Variants in ZZEF1 observed in about 807,000 individuals in gnomAD.
ZZEF1 encodes the protein zinc finger ZZ-type and EF-hand domain-containing protein 1.
Under a neutral mutation model 342.8 loss-of-function variants are expected in ZZEF1, and 157 were observed. The observed-to-expected ratio is 0.46, with a 90% confidence interval of 0.40 to 0.52. ZZEF1 has a LOEUF of 0.52. ZZEF1 is among the 20% of genes least tolerant of loss of function. The pLI, the probability that ZZEF1 is intolerant of heterozygous loss-of-function variation, is 0.00. For missense variants in ZZEF1, 3,480 were observed against 3,725.6 expected, an observed-to-expected ratio of 0.93 and a Z score of 1.72; for synonymous variants, 1,505 against 1,429.1, an observed-to-expected ratio of 1.05 and a Z score of -1.20.
At chr17:4,039,893 C>G (rs1405438202) in intron 39 of ZZEF1, among the ~76,000 whole-genome samples, 1 of 152,042 alleles carries the variant, frequency 6.6e-6, no homozygotes, top group Non-Finnish European at 1.5e-5. Flanking sequence ...ATCTGCCCGC[C>G]TTGGCCTCCC....
intron 52 of ZZEF1, 112 bp from the exon 53 acceptor site, chr17:4,009,869 A>G (rs1318706468): frequency 5.4e-6 from 7 of 1,285,892 alleles, no homozygotes; most frequent in South Asian, 2.9e-5. Flanking sequence ...CAGCTGGTAC[A>G]AATGATTATA....
chr17:4,133,703 T>C (rs2058704586), intron 1 of ZZEF1, among the ~76,000 whole-genome samples: 1 of 151,458 alleles, frequency 6.6e-6, no homozygotes, highest in African/African-American at 2.4e-5. Flanking sequence ...GCTATAAAAA[T>C]ACTGACATTT....
At chr17:4,113,974 A>T (rs1369238541) in intron 4 of ZZEF1, among the ~76,000 whole-genome samples, 1 of 152,228 alleles carries the variant, frequency 6.6e-6, no homozygotes, top group African/African-American at 2.4e-5. Flanking sequence ...TGTCTTAAAA[A>T]GAAAAAAAAA....
At chr17:4,040,583 G>A (rs2056781947) in intron 39 of ZZEF1, among the ~76,000 whole-genome samples, 2 of 152,134 alleles carry the variant, frequency 1.3e-5, no homozygotes, top group African/African-American at 4.8e-5. Flanking sequence ...GAGAAATACA[G>A]GCTGAAAAAA....
intron 6 of ZZEF1, among the ~76,000 whole-genome samples, chr17:4,107,680 CTGAG>C (rs1382425594): frequency 3.9e-5 from 6 of 152,154 alleles, no homozygotes; most frequent in African/African-American, 1.4e-4. Context: ...TAGAGGCGAA[CTGAG>C]TAAGTACAAA....
chr17:4,142,834 C>T lies in ZZEF1; in HGVS notation c.62G>A (p.Trp21Ter). Reference sequence around the variant, plus strand: ...CGCGGCCCAGTCCTGGTGTGGGCCCCAGCCCTCGCCACCGGCAGCTGCCGC... The same window carrying T: ...CGCGGCCCAGTCCTGGTGTGGGCCCTAGCCCTCGCCACCGGCAGCTGCCGC... Reference protein sequence around the residue: ...DEAAAAGGEGWGPHQDWAAVS... With the variant: ...DEAAAAGGEG Residue 21 changes from tryptophan to a stop codon, truncating the protein, a stop_gained, in exon 1 of 55, where the codon TGG (tryptophan) becomes TAG (stop). Transcript: ENST00000381638. LOFTEE classifies it high-confidence loss of function. 1 of 1,398,942 alleles carries T rather than the reference C, an allele frequency of 7.1e-7. No individual in the cohort carries two copies. The allele number at this position is 1,398,942 out of a possible 1,614,324, so 86.7% of individuals were successfully genotyped here. A position where few individuals can be genotyped will look rare whatever the true frequency, so the allele number is the denominator to read the frequency against.
Position 4,070,807 on chromosome 17 carries a change from A to G in ZZEF1, c.3952T>C (p.Cys1318Arg). The G allele has an allele frequency of 6.2e-7, 1 of 1,614,172 alleles. No homozygotes were observed. The highest frequency in any genetic ancestry group is 8.5e-7 in the Non-Finnish European group (1 of 1,180,044). ...SELFKGFIQA[C>R]RKQAPKTDIV... ...TCTGTCTTTGGGGCCTGTTTTCTAC[A>G]TGCCTGTATGAATCCTTTGAAAAGT... Residue 1318 changes from cysteine (C) to arginine (R), a missense_variant, in exon 26 of 55, where the codon TGT becomes CGT. This residue lies in a region of ZZEF1 where 1,528 missense variants were observed against 1,624.1 expected (regional missense o/e 0.94). Coordinates refer to ENST00000381638, the MANE Select transcript of ZZEF1 (RefSeq NM_015113.4).
chr17:4,059,134 AT>A (rs34838830), intron 31 of ZZEF1, 36 bp downstream of exon 31: 17 of 1,495,724 alleles, frequency 1.1e-5, no homozygotes, highest in East Asian at 2.4e-5. Flanking sequence ...AAAAAAATAC[AT>A]TTTTTTTCTC....
At chr17:4,021,104 G>A in intron 45 of ZZEF1, 25 bp downstream of exon 45, 1 of 1,569,482 alleles carries the variant, frequency 6.4e-7, no homozygotes, top group Non-Finnish European at 8.7e-7. Context: ...CCCCTCCTAA[G>A]CCACAAGATG....
At chr17:4,038,008 C>T (rs2056713139) in intron 39 of ZZEF1, among the ~76,000 whole-genome samples, 1 of 152,184 alleles carries the variant, frequency 6.6e-6, no homozygotes, top group African/African-American at 2.4e-5. Context: ...TTGATGACTG[C>T]TGTCTGGTTA....
At chr17:4,009,821 A>T in intron 52 of ZZEF1, 64 bp from the exon 53 acceptor site, 1 of 1,567,152 alleles carries the variant, frequency 6.4e-7, no homozygotes, top group South Asian at 1.2e-5. Flanking sequence ...CATGGCTTAC[A>T]GCTGGCAGGA....
In ZZEF1 at chr17:4,006,819, G is replaced by T. The variant is rs1471522675; in HGVS notation, c.*71C>A. 7 of 1,502,904 alleles carry T rather than the reference G, an allele frequency of 4.7e-6. No homozygotes were observed. Among genetic ancestry groups the T allele is most frequent in the South Asian group, 1.2e-5 (1 of 83,036 alleles). The allele number at this position is 1,502,904 out of a possible 1,614,324, so 93.1% of individuals were successfully genotyped here. A position where few individuals can be genotyped will look rare whatever the true frequency, so the allele number is the denominator to read the frequency against. ...GCACTGGCGCTACAGGAGTTTTCCT[G>T]AATGAGGTTAGATGTCTGCTCTAAA... On this transcript the variant is annotated 3_prime_UTR_variant, in exon 55 of 55. Transcript: ENST00000381638.
At chr17:4,084,986 C>A (rs2057792800) in intron 16 of ZZEF1, among the ~76,000 whole-genome samples, 1 of 152,118 alleles carries the variant, frequency 6.6e-6, no homozygotes, top group Non-Finnish European at 1.5e-5. Flanking sequence ...GTGGCATGCA[C>A]CAGTAGTCCC....
chr17:4,087,645 T>C, intron 13 of ZZEF1, 111 bp from the exon 14 acceptor site: 1 of 914,018 alleles, frequency 1.1e-6, no homozygotes, highest in East Asian at 2.7e-5. Context: ...TCTACATGAG[T>C]GAGACTTTCA....
chr17:4,066,518 A>G lies in ZZEF1; in HGVS notation c.4178T>C (p.Leu1393Pro). ...IWMLEMKQKS[L>P]MSLGNEAEEK... Reference sequence around the variant, plus strand: ...TTCTGCTTCATTCCCCAGGCTCATCAGGGACTTCTGCTTCATCTCTAACTA... The same window carrying G: ...TTCTGCTTCATTCCCCAGGCTCATCGGGGACTTCTGCTTCATCTCTAACTA... The change falls in exon 28 of 55, where the codon CTG becomes CCG. Residue 1393 changes from leucine to proline, a missense_variant. Leu to Pro is a moderately conservative substitution (Grantham distance 98, BLOSUM62 -3). Around this residue, in one of 5 missense-constraint regions of ZZEF1, gnomAD observed 1,528 missense variants for 1,624.1 expected, o/e 0.94. Coordinates refer to ENST00000381638, the MANE Select transcript of ZZEF1 (RefSeq NM_015113.4). 1 of 1,614,092 alleles carries G rather than the reference A, an allele frequency of 6.2e-7. No individual in the cohort carries two copies. Among genetic ancestry groups the G allele is most frequent in the Non-Finnish European group, 8.5e-7 (1 of 1,180,004 alleles).
At chr17:4,091,820 T>C (rs1435241923) in intron 11 of ZZEF1, among the ~76,000 whole-genome samples, 1 of 151,320 alleles carries the variant, frequency 6.6e-6, no homozygotes, top group African/African-American at 2.4e-5. Context: ...CTCACACCTG[T>C]AATCCCAGCA....
At chr17:4,048,558 G>A (rs565291813) in intron 37 of ZZEF1, among the ~76,000 whole-genome samples, 2 of 152,242 alleles carry the variant, frequency 1.3e-5, no homozygotes, top group South Asian at 4.1e-4. Flanking sequence ...ACTATCACAG[G>A]TTATACCTGG....
chr17:4,038,530 C>T (rs1402223769), intron 39 of ZZEF1, among the ~76,000 whole-genome samples: 3 of 152,168 alleles, frequency 2.0e-5, no homozygotes, highest in Admixed American at 1.3e-4. Context: ...ACAGGCCGGG[C>T]GCAGCGGCTC....
At chr17:4,135,284 TG>T (rs1016815829) in intron 1 of ZZEF1, among the ~76,000 whole-genome samples, 2 of 152,184 alleles carry the variant, frequency 1.3e-5, no homozygotes, top group African/African-American at 4.8e-5. Flanking sequence ...AAGACCAGCC[TG>T]GGTAACATGA....
Sources: allele counts gnomAD v4.1 joint callset (sites outside exome capture counted in the v4.1 genomes callset), GRCh38; gene constraint gnomAD v4.1.1; regional missense constraint gnomAD v4.1.1; transcripts MANE v1.5; gene names NCBI Gene and HGNC (gene_info 2026-07-23, HGNC 2026-07-21).